Variants in CPVL observed in about 807,000 individuals in gnomAD.
CPVL encodes carboxypeptidase vitellogenic like, also known as probable serine carboxypeptidase CPVL.
In CPVL, 51 loss-of-function variants were observed where a neutral mutation model predicts 63.7. That is an observed-to-expected ratio of 0.80 (90% CI 0.64 to 1.01). CPVL has a LOEUF of 1.01. Ranked by LOEUF, CPVL falls within the 50% of genes least tolerant of loss-of-function variation. The probability of loss-of-function intolerance (pLI) is 0.00; values close to 1 mark genes in which losing one functional copy is unlikely to be tolerated. For missense variants in CPVL, 530 were observed against 573.1 expected (o/e 0.92, Z 0.77); for synonymous variants, 195 against 206.0 (o/e 0.95, Z 0.46).
At chr7:29,009,053 A>G (rs905131874) in intron 12 of CPVL, 1 of 151,828 alleles carries the variant, frequency 6.6e-6, no homozygotes, top group African/African-American at 2.4e-5. Context: ...TGAGCTGGAT[A>G]TTTTGCTAGC....
chr7:29,074,033 T>C (rs918928365), intron 7 of CPVL, among the ~76,000 whole-genome samples: 2 of 152,204 alleles, frequency 1.3e-5, no homozygotes, highest in Admixed American at 6.5e-5. Context: ...AAAGCTCTTA[T>C]TTTATCCACA....
intron 1 of CPVL, among the ~76,000 whole-genome samples, chr7:29,141,674 T>G (rs1791898707): frequency 6.6e-6 from 1 of 152,152 alleles, no homozygotes; most frequent in African/African-American, 2.4e-5. Context: ...CCCAGCACTT[T>G]GGGAAGCTAA....
intron 3 of CPVL, among the ~76,000 whole-genome samples, chr7:29,097,350 C>T (rs1786542790): frequency 6.6e-6 from 1 of 152,246 alleles, no homozygotes; most frequent in African/African-American, 2.4e-5. Flanking sequence ...GAAGAAAACG[C>T]ATGTCCTCTT....
At chr7:29,033,150 A>G (rs562641026) in intron 11 of CPVL, among the ~76,000 whole-genome samples, 1 of 152,356 alleles carries the variant, frequency 6.6e-6, no homozygotes, top group South Asian at 2.1e-4. Context: ...GCAACAAAAA[A>G]GAAATCAGAA....
At chr7:29,132,322 T>C (rs151271932) in intron 1 of CPVL, among the ~76,000 whole-genome samples, 74 of 152,198 alleles carry the variant, frequency 4.9e-4, no homozygotes, top group African/African-American at 1.8e-3. Context: ...TGCTGGGTAT[T>C]GAAAGCTAAC....
At chr7:29,016,439 C>T (rs186486400) in intron 12 of CPVL, among the ~76,000 whole-genome samples, 1 of 152,250 alleles carries the variant, frequency 6.6e-6, no homozygotes, top group Non-Finnish European at 1.5e-5. Context: ...TGTCTAACTC[C>T]ACCTTCTTCT....
chr7:29,146,776 T>A (rs1792757580), upstream of CPVL: 1 of 1,549,176 alleles, frequency 6.5e-7, no homozygotes, highest in Admixed American at 2.0e-5. Flanking sequence ...TATTTTGATT[T>A]TGTCTCCCAG....
At chr7:29,194,616 C>G in intron 1 of CPVL, 1 of 270,808 alleles carries the variant, frequency 3.7e-6, no homozygotes, top group Non-Finnish European at 6.8e-6. Flanking sequence ...GGAGCGTGGA[C>G]GGCAGAGGGG....
intron 11 of CPVL, among the ~76,000 whole-genome samples, chr7:29,059,871 T>G (rs1372301493): frequency 6.6e-6 from 1 of 152,144 alleles, no homozygotes; most frequent in Non-Finnish European, 1.5e-5. Flanking sequence ...TCCTGTTAAG[T>G]TTTGACTCCC....
At chr7:29,126,714 T>C (rs1031022300) in intron 1 of CPVL, 2 of 152,254 alleles carry the variant, frequency 1.3e-5, no homozygotes, top group African/African-American at 4.8e-5. Context: ...AGGATACATA[T>C]CTTTCATATA....
At chr7:29,146,392 G>C in intron 1 of CPVL, 37 bp downstream of exon 1, 4 of 797,776 alleles carry the variant, frequency 5.0e-6, no homozygotes, top group Non-Finnish European at 7.5e-6. Flanking sequence ...CTGTCCCGCT[G>C]AGCTGGCACG....
At position 29,018,482 on chromosome 7, in the gene CPVL, G is replaced by A. The variant is rs187852850; in HGVS notation, c.1320+12095C>T. Among the ~76,000 whole-genome samples the A allele has an allele frequency of 1.6e-3, 242 of 150,248 alleles. 2 individuals are homozygous for A. The highest frequency in any genetic ancestry group is 4.3e-4 in the Non-Finnish European group (29 of 67,770). On this transcript the variant is annotated intron_variant, in intron 12 of 12. Transcript: ENST00000265394. The stretch of plus-strand genomic sequence containing the variant: ...CAACCTCTGCCTCCCAAGTTCAAGC[G>A]ATTCTCATGCCTCTGACTCCCGAGT...
At position 29,141,473 on chromosome 7, in the gene CPVL, C is replaced by T. The variant is rs536169241; in HGVS notation, c.-11+4956G>A. 1.6e-4 allele frequency among the ~76,000 whole-genome samples: 25 copies of T among 152,186 alleles called. No homozygotes were observed. The South Asian group carries it at 5.0e-3, about 30-fold the overall frequency. ...GGTGAGGCAAGAGAATCGCTTTTACCCAGGAGGCGGAGGTTGCAGTGAGCC... is the reference window on the plus strand; with the variant it reads ...GGTGAGGCAAGAGAATCGCTTTTACTCAGGAGGCGGAGGTTGCAGTGAGCC... On this transcript the variant is annotated intron_variant, in intron 1 of 12. Coordinates refer to ENST00000265394, the MANE Select transcript of CPVL (RefSeq NM_031311.5).
intron 1 of CPVL, among the ~76,000 whole-genome samples, chr7:29,137,648 CTT>C (rs1791385788): frequency 6.6e-6 from 1 of 152,158 alleles, no homozygotes; most frequent in African/African-American, 2.4e-5. Context: ...GCAGGCTGCT[CTT>C]TGTTAGAAAA....
intron 11 of CPVL, 113 bp from the exon 12 acceptor site, chr7:29,030,872 T>A: frequency 2.2e-6 from 2 of 899,846 alleles, no homozygotes; most frequent in Non-Finnish European, 3.3e-6. Flanking sequence ...TGAATCTCTC[T>A]GAGATTTTCT....
intron 1 of CPVL, among the ~76,000 whole-genome samples, chr7:29,129,377 T>C (rs1288307316): frequency 6.6e-6 from 1 of 152,188 alleles, no homozygotes; most frequent in Non-Finnish European, 1.5e-5. Context: ...TATTTTGAAG[T>C]TCTATCTCCT....
chr7:29,188,542 A>T (rs73684610), intron 1 of CPVL, among the ~76,000 whole-genome samples: 5,435 of 149,808 alleles, frequency 0.036, 137 homozygotes, highest in African/African-American at 0.08. Flanking sequence ...TTTTTTTTTT[A>T]AAAAAAAGAG....
At chr7:29,082,870 A>C (rs539061880) in intron 7 of CPVL, among the ~76,000 whole-genome samples, 1 of 152,340 alleles carries the variant, frequency 6.6e-6, no homozygotes, top group South Asian at 2.1e-4. Flanking sequence ...ATGGTTAACA[A>C]CATCACCACA....
intron 11 of CPVL, among the ~76,000 whole-genome samples, chr7:29,062,487 AG>A (rs1163730780): frequency 6.6e-6 from 1 of 152,232 alleles, no homozygotes; most frequent in East Asian, 1.9e-4. Flanking sequence ...CAAGTTTTGC[AG>A]GTTTATAATG....
Sources: gnomAD v4.1 joint callset for allele counts (sites outside exome capture counted in the v4.1 genomes callset) on GRCh38, gnomAD v4.1.1 for gene constraint, MANE v1.5 for transcripts, NCBI Gene and HGNC (gene_info 2026-07-23, HGNC 2026-07-21) for gene names.